LRP1: variants seen among roughly 807,000 people sequenced by gnomAD.
LRP1 encodes the protein prolow-density lipoprotein receptor-related protein 1.
Under a neutral mutation model 541.5 loss-of-function variants are expected in LRP1, and 51 were observed. That is an observed-to-expected ratio of 0.09 (90% CI 0.08 to 0.12). LRP1 has a LOEUF of 0.12. Ranked by LOEUF, LRP1 falls within the 10% of genes least tolerant of loss-of-function variation. LRP1 has a pLI of 1.00. For synonymous variants in LRP1, 2,219 were observed against 2,470.8 expected, an observed-to-expected ratio of 0.90 and a Z score of 3.02; for missense variants, 3,878 against 6,376.2, an observed-to-expected ratio of 0.61 and a Z score of 13.34.
chr12:57,172,877 G>A (rs2035973665), intron 20 of LRP1, among the ~76,000 whole-genome samples: 1 of 152,234 alleles, frequency 6.6e-6, no homozygotes, highest in African/African-American at 2.4e-5. Context: ...TAGAGGCTAA[G>A]GAGGTGGGCA....
chr12:57,186,890 T>A (rs1751990445), intron 41 of LRP1, among the ~76,000 whole-genome samples: 1 of 152,202 alleles, frequency 6.6e-6, no homozygotes, highest in Non-Finnish European at 1.5e-5. Context: ...AAATAATCAA[T>A]CCAGCTCAGG....
Position 57,173,138 on chromosome 12 carries a change from C to T in LRP1, c.3164-30C>T. The stretch of plus-strand genomic sequence containing the variant: ...GAGGGCTGACCTGGGCAACCCCTCC[C>T]TCCTGAGGCCCTCCACTGTCCCTCT... On this transcript the variant is annotated intron_variant, in intron 20 of 88. Transcript: ENST00000243077. The surrounding 1 kb of genome is among the most constrained non-coding windows in gnomAD (Gnocchi z 4.7). 1 of 1,571,176 alleles carries T rather than the reference C, an allele frequency of 6.4e-7. No homozygotes were observed. Among genetic ancestry groups the T allele is most frequent in the Non-Finnish European group, 8.6e-7 (1 of 1,156,284 alleles).
rs2036720044 is a variant in LRP1 at position 57,204,223 on chromosome 12, T to G, written c.10952-187T>G. The G allele has an allele frequency of 3.8e-5, 23 of 611,760 alleles. No individual in the cohort carries two copies. In the South Asian group the frequency reaches 7.6e-4, roughly 20 times the overall value. 37.9% of individuals were successfully genotyped at this position (611,760 alleles called of 1,614,324 possible). A position where few individuals can be genotyped will look rare whatever the true frequency, so the allele number is the denominator to read the frequency against. On this transcript the variant is annotated intron_variant, in intron 70 of 88. Coordinates refer to ENST00000243077, the MANE Select transcript of LRP1 (RefSeq NM_002332.3). This position sits in a 1 kb window ranked among gnomAD's most constrained non-coding sequence, Gnocchi z 5.3. ...CTCCAGACACCCCTGAAAAATGGCC[T>G]CTTCTCCCCTAAATACCAGAGGGGG...
At position 57,169,562 on chromosome 12, in the gene LRP1, G is replaced by A. The variant is rs1459652685; in HGVS notation, c.3163+255G>A. Among the ~76,000 whole-genome samples the A allele has an allele frequency of 4.6e-5, 7 of 152,228 alleles. No individual in the cohort carries two copies. The South Asian group carries it at 6.2e-4, about 14-fold the overall frequency. ...CTTGGGTTTGAGCTCCAGCTCTGCA[G>A]CTTATTATCTGGGTGGCCTTGAGCA... On this transcript the variant is annotated intron_variant, in intron 20 of 88. Coordinates refer to ENST00000243077, the MANE Select transcript of LRP1 (RefSeq NM_002332.3).
intron 60 of LRP1, 129 bp from the exon 61 acceptor site, chr12:57,199,083 A>G: frequency 1.2e-6 from 1 of 846,130 alleles, no homozygotes; most frequent in South Asian, 1.5e-5. Context: ...GGTCTGTACC[A>G]TGAACCATCT....
At chr12:57,191,600 C>T in intron 44 of LRP1, 88 bp downstream of exon 44, 2 of 1,177,882 alleles carry the variant, frequency 1.7e-6, no homozygotes, top group Non-Finnish European at 2.4e-6. Context: ...ATCGCACATA[C>T]CACACGCACC....
At position 57,195,554 on chromosome 12, in the gene LRP1, A is replaced by G. The variant is rs991203163; in HGVS notation, c.8438-104A>G. ...GCCCAGGTGTCCAGACTCCTCATCC[A>G]GTGCCCTGCCCACTCTACCAGGAGA... On this transcript the variant is annotated intron_variant, in intron 52 of 88. Coordinates refer to ENST00000243077, the MANE Select transcript of LRP1 (RefSeq NM_002332.3). The G allele has an allele frequency of 4.2e-5, 67 of 1,589,244 alleles. No homozygotes were observed. In the Middle Eastern group the frequency reaches 5.7e-4, roughly 13 times the overall value.
chr12:57,192,565 C>T (rs1397996270), intron 44 of LRP1, among the ~76,000 whole-genome samples: 2 of 152,164 alleles, frequency 1.3e-5, no homozygotes, highest in Non-Finnish European at 2.9e-5. Flanking sequence ...GATCTCAGGG[C>T]CCTCAGACTC....
chr12:57,171,714 T>G (rs1460416903), intron 20 of LRP1, among the ~76,000 whole-genome samples: 1 of 152,010 alleles, frequency 6.6e-6, no homozygotes, highest in Non-Finnish European at 1.5e-5. Flanking sequence ...CTGCTGAAAG[T>G]CCCGGCATGA....
At chr12:57,136,564 G>A (rs2035174489) in intron 1 of LRP1, among the ~76,000 whole-genome samples, 2 of 152,350 alleles carry the variant, frequency 1.3e-5, no homozygotes, top group South Asian at 4.1e-4. Flanking sequence ...CTGGCCTTCA[G>A]TGTGTGCCAG....
At chr12:57,174,080 T>G in intron 22 of LRP1, 100 bp downstream of exon 22, 8 of 1,265,122 alleles carry the variant, frequency 6.3e-6, no homozygotes, top group Non-Finnish European at 8.9e-6. Context: ...AGAGCAGCTC[T>G]GGCAGCCGGG....
At chr12:57,181,783 G>C (rs996872298) in intron 34 of LRP1, among the ~76,000 whole-genome samples, 1 of 152,174 alleles carries the variant, frequency 6.6e-6, no homozygotes. Flanking sequence ...AGGCCATTAG[G>C]AGTAATCAGA....
Position 57,211,171 on chromosome 12 carries a change from C to T in LRP1, c.12917-5C>T. 6.2e-7 allele frequency: 1 copy of T among 1,613,708 alleles called. No homozygotes were observed. Among genetic ancestry groups the T allele is most frequent in the South Asian group, 1.1e-5 (1 of 91,056 alleles). On this transcript the variant is annotated splice_polypyrimidine_tract_variant and splice_region_variant and intron_variant, in intron 83 of 88. Coordinates refer to ENST00000243077, the MANE Select transcript of LRP1 (RefSeq NM_002332.3). This position sits in a 1 kb window ranked among gnomAD's most constrained non-coding sequence, Gnocchi z 4.3. ...TGAGGCACTTCTCTCCCTCCCCAACCACAGGGCAGTGCTCTGGCTACTGTG... is the reference window on the plus strand; with the variant it reads ...TGAGGCACTTCTCTCCCTCCCCAACTACAGGGCAGTGCTCTGGCTACTGTG...
intron 67 of LRP1, among the ~76,000 whole-genome samples, chr12:57,202,153 C>G (rs2036670498): frequency 6.6e-6 from 1 of 152,024 alleles, no homozygotes; most frequent in African/African-American, 2.4e-5. Context: ...CCACACATAC[C>G]TGTGTGGAGT....
Position 57,128,522 on chromosome 12 carries a change from T to G in LRP1, c.-443T>G, listed in dbSNP as rs2034961352. ...AACAGCGGTGCGAGCTCCAGGCCCA[T>G]GCACTGAGGAGGCGGAAACAAGGGG... On this transcript the variant is annotated 5_prime_UTR_variant, in exon 1 of 89. The change abolishes an upstream ATG in the 5' untranslated region. Coordinates refer to ENST00000243077, the MANE Select transcript of LRP1 (RefSeq NM_002332.3). 2.5e-5 allele frequency: 4 copies of G among 158,640 alleles called. No individual in the cohort carries two copies. Among genetic ancestry groups the G allele is most frequent in the South Asian group, 4.6e-4 (2 of 4,340 alleles). 9.8% of individuals were successfully genotyped at this position (158,640 alleles called of 1,614,324 possible). A position where few individuals can be genotyped will look rare whatever the true frequency, so the allele number is the denominator to read the frequency against.
rs148732205 is a variant in LRP1, at chr12:57,136,900, A to G, written c.68-1559A>G. Among the ~76,000 whole-genome samples, 27 of 152,322 alleles carry G rather than the reference A, an allele frequency of 1.8e-4. No individual in the cohort carries two copies. In the East Asian group the frequency reaches 5.2e-3, roughly 29 times the overall value. ...GGGAATTAAATATGATGATACATGG[A>G]AAAAACTGCTTTACCACAGTTCCTG... On this transcript the variant is annotated intron_variant, in intron 1 of 88. Coordinates refer to ENST00000243077, the MANE Select transcript of LRP1 (RefSeq NM_002332.3).
In LRP1 at chr12:57,179,208, G is replaced by A; in HGVS notation, c.4739-121G>A. 2 of 1,165,762 alleles carry A rather than the reference G, an allele frequency of 1.7e-6. No individual in the cohort carries two copies. Among genetic ancestry groups the A allele is most frequent in the South Asian group, 2.9e-5 (2 of 68,708 alleles). The allele number at this position is 1,165,762 out of a possible 1,614,324, so 72.2% of individuals were successfully genotyped here. A position where few individuals can be genotyped will look rare whatever the true frequency, so the allele number is the denominator to read the frequency against. ...AGGGGGGCTGCACCCAGCGGGGTAT[G>A]TCCACGGAGCCAAGGGCCAGTAGCA... On this transcript the variant is annotated intron_variant, in intron 28 of 88. Transcript: ENST00000243077. This position sits in a 1 kb window ranked among gnomAD's most constrained non-coding sequence, Gnocchi z 6.8.
Position 57,212,643 on chromosome 12 carries a change from C to T in LRP1, c.*88C>T. 1 of 1,320,472 alleles carries T rather than the reference C, an allele frequency of 7.6e-7. No individual in the cohort carries two copies. The highest frequency in any genetic ancestry group is 2.4e-5 in the Admixed American group (1 of 40,924). 81.8% of individuals were successfully genotyped at this position (1,320,472 alleles called of 1,614,324 possible). Reference sequence around the variant, plus strand: ...TGAGCCCCTCCCCAGCCAGCCCTTCCCTGGCCCCGCCGGATGTATAAATGT... The same window carrying T: ...TGAGCCCCTCCCCAGCCAGCCCTTCTCTGGCCCCGCCGGATGTATAAATGT... On this transcript the variant is annotated 3_prime_UTR_variant, in exon 89 of 89. Transcript: ENST00000243077. This position sits in a 1 kb window ranked among gnomAD's most constrained non-coding sequence, Gnocchi z 5.0.
At chr12:57,191,894 TAC>T (rs2036403545) in intron 44 of LRP1, among the ~76,000 whole-genome samples, 1 of 3,828 alleles carries the variant, frequency 2.6e-4, no homozygotes, top group African/African-American at 1.1e-3. Context: ...ACCCCACACA[TAC>T]CACATACACA....
Sources: allele counts gnomAD v4.1 joint callset (sites outside exome capture counted in the v4.1 genomes callset), GRCh38; gene constraint gnomAD v4.1.1; non-coding constraint Gnocchi (gnomAD v3.1); transcripts MANE v1.5; gene names NCBI Gene and HGNC (gene_info 2026-07-23, HGNC 2026-07-21).